ZC3HAV1: variants seen among roughly 807,000 people sequenced by gnomAD.
ZC3HAV1 encodes the protein zinc finger CCCH-type antiviral protein 1.
A neutral mutation model predicts 86.6 loss-of-function variants in ZC3HAV1; 41 were observed. The observed-to-expected ratio is 0.47, with a 90% CI of 0.37 to 0.61. ZC3HAV1 has a LOEUF of 0.61. ZC3HAV1 is among the 20% of genes least tolerant of loss of function. ZC3HAV1 has a pLI of 0.00. For missense variants in ZC3HAV1, 964 were observed against 1,141.1 expected (o/e 0.84, Z 2.24); for synonymous variants, 421 against 432.1 (o/e 0.97, Z 0.32).
At chr7:139,058,369 AC>A (rs1225531868) in intron 9 of ZC3HAV1, among the ~76,000 whole-genome samples, 1 of 147,660 alleles carries the variant, frequency 6.8e-6, no homozygotes, top group African/African-American at 2.5e-5. Context: ...TGGGAGGATC[AC>A]CCGAGTCCGA....
chr7:139,085,439 G>A (rs1162136597), intron 2 of ZC3HAV1, among the ~76,000 whole-genome samples: 1 of 152,178 alleles, frequency 6.6e-6, no homozygotes, highest in Non-Finnish European at 1.5e-5. Flanking sequence ...ACAAGTCAAA[G>A]CAAAATGAAA....
chr7:139,057,695 C>T (rs1208313232), intron 9 of ZC3HAV1, among the ~76,000 whole-genome samples: 3 of 79,600 alleles, frequency 3.8e-5, no homozygotes, highest in Non-Finnish European at 2.4e-5. Flanking sequence ...CCCGCCACCA[C>T]GCCCGGCTAA....
intron 10 of ZC3HAV1, among the ~76,000 whole-genome samples, chr7:139,054,449 C>T (rs1166076640): frequency 6.6e-6 from 1 of 152,188 alleles, no homozygotes; most frequent in African/African-American, 2.4e-5. Flanking sequence ...CTGAAGCCAG[C>T]ATGGGGAGGC....
At chr7:139,098,082 T>A (rs543369407) in intron 1 of ZC3HAV1, among the ~76,000 whole-genome samples, 1 of 152,160 alleles carries the variant, frequency 6.6e-6, no homozygotes, top group East Asian at 1.9e-4. Flanking sequence ...GTAGCTGGGA[T>A]TACAAGTGCA....
chr7:139,072,439 G>A (rs1022388915), intron 7 of ZC3HAV1, among the ~76,000 whole-genome samples: 3 of 151,924 alleles, frequency 2.0e-5, no homozygotes, highest in African/African-American at 4.8e-5. Context: ...ACCCCACCTC[G>A]GCCTCCCAAA....
At chr7:139,055,411 T>A in intron 9 of ZC3HAV1, 116 bp from the exon 10 acceptor site, 1 of 737,898 alleles carries the variant, frequency 1.4e-6, no homozygotes, top group Non-Finnish European at 2.2e-6. Context: ...CAATATTTAT[T>A]TCTGTATTTT....
chr7:139,051,204 T>C (rs1389232704), intron 12 of ZC3HAV1, among the ~76,000 whole-genome samples: 2 of 152,018 alleles, frequency 1.3e-5, no homozygotes, highest in Admixed American at 6.5e-5. Context: ...ATTACAGGCA[T>C]GGGCCACTGC....
intron 1 of ZC3HAV1, among the ~76,000 whole-genome samples, chr7:139,092,015 G>T (rs1032490883): frequency 2.0e-5 from 3 of 152,154 alleles, no homozygotes; most frequent in Admixed American, 6.5e-5. Context: ...CTTTGGTTTA[G>T]AAAGGGGAGG....
chr7:139,080,283 C>T (rs765732641), intron 3 of ZC3HAV1, 40 bp from the exon 4 acceptor site: 1 of 1,611,672 alleles, frequency 6.2e-7, no homozygotes, highest in Non-Finnish European at 8.5e-7. Context: ...AAATAATGAA[C>T]ATTGGAGTTA....
rs78353839 is a variant in ZC3HAV1 at position 139,079,499 on chromosome 7, T to A, written c.1442A>T (p.Asp481Val). The A allele has an allele frequency of 6.2e-7, 1 of 1,614,160 alleles. No individual in the cohort carries two copies. Among genetic ancestry groups the A allele is most frequent in the South Asian group, 1.1e-5 (1 of 91,074 alleles). Residue 481 changes from aspartate to valine, a missense_variant, in exon 4 of 13, where the codon GAT (aspartate) becomes GTT (valine). Transcript: ENST00000242351. ...DVQATGRIAD[D>V]ADPRVALVND... ...AACAAGTGCTACTCTTGGGTCAGCA[T>A]CATCTGCGATTCTGCCAGTGGCCTG...
intron 1 of ZC3HAV1, among the ~76,000 whole-genome samples, chr7:139,104,014 G>GA (rs1817852705): frequency 6.6e-6 from 1 of 151,998 alleles, no homozygotes; most frequent in Non-Finnish European, 1.5e-5. Context: ...CTGGGGATGA[G>GA]AAAAAAATAA....
chr7:139,076,372 C>T lies in ZC3HAV1; in HGVS notation c.1611G>A (p.Arg537=). The part of the protein sequence containing the change: ...CSKVHFHLPY[R]WQMLIGKTWT... ...AGGTTTTACCAATAAGCATCTGCCA[C>T]CGGTAAGGCAGATGGAAGTGGACTT... Residue 537 remains arginine, a synonymous_variant, in exon 6 of 13, where the codon CGG becomes CGA. Transcript: ENST00000242351. The T allele has an allele frequency of 6.2e-7, 1 of 1,614,108 alleles. No homozygotes were observed. The highest frequency in any genetic ancestry group is 8.5e-7 in the Non-Finnish European group (1 of 1,180,006).
intron 7 of ZC3HAV1, among the ~76,000 whole-genome samples, chr7:139,065,335 G>A (rs1295372002): frequency 5.3e-5 from 8 of 152,214 alleles, no homozygotes; most frequent in Non-Finnish European, 1.0e-4. Flanking sequence ...ATGCCACGCC[G>A]GCATCTGTCA....
Position 139,073,949 on chromosome 7 carries a change from A to T in ZC3HAV1, c.1779T>A (p.Ser593=). 6.2e-7 allele frequency: 1 copy of T among 1,614,082 alleles called. No individual in the cohort carries two copies. The highest frequency in any genetic ancestry group is 8.5e-7 in the Non-Finnish European group (1 of 1,179,918). Residue 593 remains serine (S), a synonymous_variant, in exon 7 of 13, where the codon TCT becomes TCA. Coordinates refer to ENST00000242351, the MANE Select transcript of ZC3HAV1 (RefSeq NM_020119.4). ...SFPIRRLSTP[S]SVTKPANSVF... is the part of the protein sequence containing the mutation. The stretch of plus-strand genomic sequence containing the variant: ...CAGAATTGGCTGGCTTGGTGACAGA[A>T]GAAGGAGTGGAGAGGCGTCGGATGG...
Position 139,078,639 on chromosome 7 carries a change from C to T in ZC3HAV1, c.1486G>A (p.Val496Ile). ...VALVNDSLSDVTSTTSSRVDD... is the reference protein window; with the variant it reads ...VALVNDSLSDITSTTSSRVDD... ...ACCCTAGAAGATGTGGTACTTGTGA[C>T]ATCAGATAAAGAATCTATGAAACAA... Residue 496 changes from valine (V) to isoleucine (I), a missense_variant, in exon 5 of 13, where the codon GTC becomes ATC. Coordinates refer to ENST00000242351, the MANE Select transcript of ZC3HAV1 (RefSeq NM_020119.4). 1 of 1,570,268 alleles carries T rather than the reference C, an allele frequency of 6.4e-7. No individual in the cohort carries two copies. The highest frequency in any genetic ancestry group is 8.6e-7 in the Non-Finnish European group (1 of 1,167,666).
chr7:139,064,682 G>A (rs1342924522), intron 8 of ZC3HAV1, among the ~76,000 whole-genome samples, 197 bp downstream of exon 8: 3 of 152,152 alleles, frequency 2.0e-5, no homozygotes, highest in Non-Finnish European at 4.4e-5. Flanking sequence ...CTCCTAGGGT[G>A]GCAGAGCAAG....
At position 139,047,450 on chromosome 7, in the gene ZC3HAV1, T is replaced by C. The variant is rs1039189475; in HGVS notation, c.*144A>G. ...TAAAACCTCCCAGATGATTCTAATA[T>C]GTAGCAAAATTTGGGGACCACTGAT... On this transcript the variant is annotated 3_prime_UTR_variant, in exon 13 of 13. Coordinates refer to ENST00000242351, the MANE Select transcript of ZC3HAV1 (RefSeq NM_020119.4). The C allele has an allele frequency of 8.0e-6, 9 of 1,130,410 alleles. No homozygotes were observed. The East Asian group carries it at 1.5e-4, about 19-fold the overall frequency. The allele number at this position is 1,130,410 out of a possible 1,614,324, so 70.0% of individuals were successfully genotyped here. A position where few individuals can be genotyped will look rare whatever the true frequency, so the allele number is the denominator to read the frequency against.
intron 2 of ZC3HAV1, 118 bp downstream of exon 2, chr7:139,089,506 T>C (rs542044650): frequency 7.6e-7 from 1 of 1,311,814 alleles, no homozygotes; most frequent in South Asian, 1.6e-5. Flanking sequence ...CAGCCTCGAC[T>C]ACCACCTGCA....
At chr7:139,106,015 A>T (rs1176896871) in intron 1 of ZC3HAV1, among the ~76,000 whole-genome samples, 3 of 152,202 alleles carry the variant, frequency 2.0e-5, no homozygotes, top group Non-Finnish European at 2.9e-5. Context: ...AAATGAAATT[A>T]AAAATATGGC....
Sources: gnomAD v4.1 joint callset for allele counts (sites outside exome capture counted in the v4.1 genomes callset) on GRCh38, gnomAD v4.1.1 for gene constraint, MANE v1.5 for transcripts, NCBI Gene and HGNC (gene_info 2026-07-23, HGNC 2026-07-21) for gene names.